The following CPNE2 variants were observed in gnomAD, a reference collection of about 807,000 sequenced individuals.
CPNE2 encodes copine 2.
Under a neutral mutation model 69.7 loss-of-function variants are expected in CPNE2, and 42 were observed. The ratio of observed to expected loss-of-function variants is 0.60; its 90% CI spans 0.47 to 0.78. CPNE2 has a LOEUF of 0.78. Among genes scored for constraint, CPNE2 ranks in the 30% least tolerant of loss-of-function variants. The pLI is 0.00. For missense variants in CPNE2, 587 were observed against 732.0 expected, an observed-to-expected ratio of 0.80 and a Z score of 2.29; for synonymous variants, 294 against 289.8, an observed-to-expected ratio of 1.01 and a Z score of -0.15.
intron 12 of CPNE2, among the ~76,000 whole-genome samples, chr16:57,134,450 C>T (rs1257391198): frequency 6.6e-6 from 1 of 152,192 alleles, no homozygotes; most frequent in East Asian, 1.9e-4. Context: ...GGAACCCTGG[C>T]CCACAGGGAA....
At chr16:57,132,053 ATTGT>A (rs1337505216) in intron 12 of CPNE2, among the ~76,000 whole-genome samples, 1 of 152,184 alleles carries the variant, frequency 6.6e-6, no homozygotes, top group Admixed American at 6.6e-5. Context: ...GTGCAGTGCC[ATTGT>A]TTGTTGACGG....
intron 1 of CPNE2, among the ~76,000 whole-genome samples, chr16:57,101,432 C>A (rs1205738505): frequency 1.3e-5 from 2 of 152,174 alleles, no homozygotes; most frequent in African/African-American, 4.8e-5. Context: ...GCCATCAGGG[C>A]CCGTAGGGAA....
At chr16:57,098,197 C>T (rs1301805545) in intron 1 of CPNE2, among the ~76,000 whole-genome samples, 1 of 152,232 alleles carries the variant, frequency 6.6e-6, no homozygotes, top group East Asian at 1.9e-4. Context: ...CTGGTGGAAG[C>T]TGGGGGTCCC....
Position 57,127,882 on chromosome 16 carries a change from C to G in CPNE2, c.1095C>G (p.Ala365=). 6.2e-7 allele frequency: 1 copy of G among 1,613,666 alleles called. No individual in the cohort carries two copies. The highest frequency in any genetic ancestry group is 1.1e-5 in the South Asian group (1 of 91,082). The change falls in exon 12 of 16, where the codon GCC becomes GCG. Residue 365 remains alanine, a synonymous_variant. Transcript: ENST00000290776. The stretch of plus-strand genomic sequence containing the variant: ...TGTTTCCAGCTCTGGGATTCGGGGC[C>G]CAGTTACCCCCAGACTGGAAGGTGA... The part of the protein sequence containing the change: ...DKMFPALGFG[A]QLPPDWKVSH...
At chr16:57,098,351 A>G (rs8046191) in intron 1 of CPNE2, among the ~76,000 whole-genome samples, 32,039 of 152,090 alleles carry the variant, frequency 0.21, 4,877 homozygotes, top group East Asian at 0.59. Context: ...CGGTGCAGAA[A>G]TGATTTGTGT....
chr16:57,104,138 A>C (rs2069633530), intron 1 of CPNE2, among the ~76,000 whole-genome samples: 1 of 152,088 alleles, frequency 6.6e-6, no homozygotes, highest in Non-Finnish European at 1.5e-5. Flanking sequence ...GCTGGTCTTG[A>C]ACTCCTGACC....
rs2069744817 is a variant in CPNE2, at chr16:57,119,460, T to C, written c.592-101T>C. ...TCACTTCTGTCTCTGGAAGTGTGGC[T>C]GTGGGTCTGCATTTTGTCACCCTGT... On this transcript the variant is annotated intron_variant, in intron 6 of 15. Transcript: ENST00000290776. The C allele has an allele frequency of 2.6e-6, 3 of 1,157,416 alleles. 1 individual carries two copies. The highest frequency in any genetic ancestry group is 2.6e-5 in the South Asian group (2 of 78,238). 71.7% of individuals were successfully genotyped at this position (1,157,416 alleles called of 1,614,324 possible). A position where few individuals can be genotyped will look rare whatever the true frequency, so the allele number is the denominator to read the frequency against.
At chr16:57,147,390 A>G in intron 15 of CPNE2, 161 bp from the exon 16 acceptor site, 1 of 452,028 alleles carries the variant, frequency 2.2e-6, no homozygotes, top group East Asian at 3.3e-5. Flanking sequence ...GCCTGGGCTG[A>G]GATGAGGGAT....
intron 3 of CPNE2, among the ~76,000 whole-genome samples, chr16:57,115,139 G>T (rs1277632410): frequency 6.6e-6 from 1 of 152,118 alleles, no homozygotes; most frequent in Non-Finnish European, 1.5e-5. Flanking sequence ...GAGGCAGGTG[G>T]GGTCTGTGGA....
At chr16:57,129,744 G>A (rs182612020) in intron 12 of CPNE2, among the ~76,000 whole-genome samples, 304 of 152,214 alleles carry the variant, frequency 2.0e-3, no homozygotes, top group South Asian at 5.0e-3. Context: ...ACTTGAACTC[G>A]GGAGGCAGTG....
Position 57,137,149 on chromosome 16 carries a change from G to A in CPNE2, c.1169G>A (p.Gly390Asp). Residue 390 changes from glycine to aspartate, a missense_variant and splice_region_variant, in exon 14 of 16, where the codon GGT becomes GAT. By Grantham distance (94) the Gly-to-Asp change is moderately conservative. This residue lies in a region of CPNE2 where 185 missense variants were observed against 252.3 expected (regional missense o/e 0.73). Coordinates refer to ENST00000290776, the MANE Select transcript of CPNE2 (RefSeq NM_152727.6). ...GATCCAGACTCTTCTCCCGAGGCAG[G>A]TGTGGATGGTATTGCCCAGGCGTAC... ...NFNPTNPFCS[G>D]VDGIAQAYSA... 1 of 1,614,086 alleles carries A rather than the reference G, an allele frequency of 6.2e-7. No homozygotes were observed. The highest frequency in any genetic ancestry group is 8.5e-7 in the Non-Finnish European group (1 of 1,179,930).
rs143737773 is a variant in CPNE2, at chr16:57,104,561, G to C, written c.-35-6147G>C. Among the ~76,000 whole-genome samples the C allele has an allele frequency of 7.0e-4, 107 of 152,304 alleles. 1 individual carries two copies. Among genetic ancestry groups the C allele is most frequent in the African/African-American group, 2.5e-3 (104 of 41,550 alleles). ...GGGCTGCTGATGATGGAGCCTGCCTGACGAGCCCCCACCTTCCTCATTGAT... is the reference window on the plus strand; with the variant it reads ...GGGCTGCTGATGATGGAGCCTGCCTCACGAGCCCCCACCTTCCTCATTGAT... On this transcript the variant is annotated intron_variant, in intron 1 of 15. Coordinates refer to ENST00000290776, the MANE Select transcript of CPNE2 (RefSeq NM_152727.6).
intron 1 of CPNE2, among the ~76,000 whole-genome samples, chr16:57,099,557 C>A (rs1437557313): frequency 6.8e-6 from 1 of 146,010 alleles, no homozygotes; most frequent in Admixed American, 7.0e-5. Flanking sequence ...ATGGTATGGT[C>A]AGCTTTTTAA....
intron 12 of CPNE2, 48 bp from the exon 13 acceptor site, chr16:57,134,727 G>A: frequency 6.2e-7 from 1 of 1,611,526 alleles, no homozygotes; most frequent in African/African-American, 1.3e-5. Context: ...GCCTGGGTCT[G>A]GGTTTGGGGG....
chr16:57,106,471 C>T (rs1221807911), intron 1 of CPNE2, among the ~76,000 whole-genome samples: 1 of 152,118 alleles, frequency 6.6e-6, no homozygotes, highest in Non-Finnish European at 1.5e-5. Flanking sequence ...GGAGGTGACC[C>T]CAGAGTGTTC....
intron 1 of CPNE2, among the ~76,000 whole-genome samples, chr16:57,093,534 C>T (rs2069558588): frequency 6.6e-6 from 1 of 152,044 alleles, no homozygotes; most frequent in African/African-American, 2.4e-5. Flanking sequence ...CTCCACGTCC[C>T]CCCGAGTTCA....
chr16:57,116,387 C>A (rs962711647), intron 4 of CPNE2, among the ~76,000 whole-genome samples: 1 of 152,154 alleles, frequency 6.6e-6, no homozygotes, highest in Non-Finnish European at 1.5e-5. Flanking sequence ...TCCTAACTGG[C>A]CCATCTAAAT....
At chr16:57,147,310 C>G in intron 15 of CPNE2, 2 of 382,282 alleles carry the variant, frequency 5.2e-6, no homozygotes, top group Non-Finnish European at 9.3e-6. Flanking sequence ...CCAAGCATCT[C>G]AAGTGCTCCA....
intron 1 of CPNE2, among the ~76,000 whole-genome samples, chr16:57,105,427 C>G (rs1466176545): frequency 4.0e-5 from 6 of 150,152 alleles, no homozygotes; most frequent in African/African-American, 1.5e-4. Flanking sequence ...TCCTATGTGT[C>G]CGGTTTTTTT....
Sources: gnomAD v4.1 joint callset for allele counts (sites outside exome capture counted in the v4.1 genomes callset) on GRCh38, gnomAD v4.1.1 for gene constraint, gnomAD v4.1.1 regional missense constraint, MANE v1.5 for transcripts, NCBI Gene and HGNC (gene_info 2026-07-23, HGNC 2026-07-21) for gene names.